Variants in CCDC201 observed in about 807,000 individuals in gnomAD.
CCDC201 encodes coiled-coil domain-containing protein 201.
chr7:45,867,825 T>C (rs1786695101), intron 1 of CCDC201, among the ~76,000 whole-genome samples: 1 of 152,232 alleles, frequency 6.6e-6, no homozygotes, highest in Non-Finnish European at 1.5e-5. Context: ...ACAGAGAGGA[T>C]TATCTGGTAG....
chr7:45,869,499 G>T (rs1360267106), intron 1 of CCDC201, among the ~76,000 whole-genome samples: 4 of 152,192 alleles, frequency 2.6e-5, no homozygotes, highest in African/African-American at 9.6e-5. Context: ...AGGAGGGAGG[G>T]AGTGCCTCCT....
chr7:45,879,288 A>G, the CCDC201 span, among the ~76,000 whole-genome samples: 2 of 152,218 alleles, frequency 1.3e-5, no homozygotes, highest in Admixed American at 6.5e-5. Context: ...AACTGTTCCA[A>G]TCTCTGCCCC....
the CCDC201 span, among the ~76,000 whole-genome samples, chr7:45,880,397 A>C: frequency 6.6e-6 from 1 of 152,260 alleles, no homozygotes; most frequent in Admixed American, 6.5e-5. Flanking sequence ...CATGATCCTC[A>C]TACGGTAACT....
chr7:45,866,369 C>T (rs78499001), exon 2 of CCDC201: 24,306 of 152,364 alleles, frequency 0.16, 2,080 homozygotes, highest in East Asian at 0.26. Context: ...AGGCACCTCC[C>T]GATGGCCTTG....
intron 2 of CCDC201, among the ~76,000 whole-genome samples, chr7:45,865,175 G>A (rs1948554): frequency 0.012 from 1,809 of 152,334 alleles, 44 homozygotes; most frequent in African/African-American, 0.041. Flanking sequence ...TGGGCGAGGA[G>A]GCAGAATTCT....
upstream of CCDC201, among the ~76,000 whole-genome samples, chr7:45,875,929 G>T (rs1248064453): frequency 6.6e-6 from 1 of 152,196 alleles, no homozygotes; most frequent in African/African-American, 2.4e-5. Context: ...ACAAGTATTT[G>T]TCAGAAGTAC....
At chr7:45,874,068 T>C (rs1786772963), upstream of CCDC201, among the ~76,000 whole-genome samples, 1 of 152,036 alleles carries the variant, frequency 6.6e-6, no homozygotes, top group Non-Finnish European at 1.5e-5. Flanking sequence ...TACAGGTGCA[T>C]GCCACCATGC....
rs148995447 is a variant in CCDC201 at position 45,869,905 on chromosome 7, C to T, written c.18+3085G>A. 7.7e-4 allele frequency among the ~76,000 whole-genome samples: 116 copies of T among 151,628 alleles called. No individual in the cohort carries two copies. In the East Asian group the frequency reaches 0.019, roughly 25 times the overall value. ...CAATCTCAGCTCACTGTAACCTCTG[C>T]CTCTTGGATTCAAGCGATTCTCCTG... On this transcript the variant is annotated intron_variant, in intron 1 of 2. Transcript: ENST00000636578.
intron 2 of CCDC201, among the ~76,000 whole-genome samples, chr7:45,865,379 G>A (rs1399975343): frequency 6.6e-6 from 1 of 152,198 alleles, no homozygotes; most frequent in Non-Finnish European, 1.5e-5. Flanking sequence ...GCAAGGGCCT[G>A]CAAACCTGGC....
At chr7:45,874,478 C>T (rs1346453852), upstream of CCDC201, among the ~76,000 whole-genome samples, 3 of 152,236 alleles carry the variant, frequency 2.0e-5, no homozygotes, top group African/African-American at 7.2e-5. Context: ...AGCTCTGAAA[C>T]ATCTGCACAT....
the CCDC201 span, among the ~76,000 whole-genome samples, chr7:45,881,580 C>G: frequency 6.6e-6 from 1 of 152,160 alleles, no homozygotes; most frequent in East Asian, 1.9e-4. Flanking sequence ...AACCCACCCC[C>G]CTTTACCAGA....
intron 1 of CCDC201, among the ~76,000 whole-genome samples, chr7:45,869,574 T>C (rs755566963): frequency 6.6e-6 from 1 of 152,192 alleles, no homozygotes; most frequent in African/African-American, 2.4e-5. Flanking sequence ...TCTTGGAGTA[T>C]GTTTATTTTG....
At chr7:45,881,332 C>T in the CCDC201 span, among the ~76,000 whole-genome samples, 8 of 152,154 alleles carry the variant, frequency 5.3e-5, no homozygotes, top group Admixed American at 1.3e-4. Context: ...TCAAATGTGT[C>T]CATTACCCTA....
At chr7:45,867,614 G>A (rs1267588929) in intron 1 of CCDC201, among the ~76,000 whole-genome samples, 1 of 152,218 alleles carries the variant, frequency 6.6e-6, no homozygotes, top group East Asian at 1.9e-4. Flanking sequence ...TCACAAGAAT[G>A]CAGAATGTAC....
At chr7:45,860,902 A>T (rs930649297) in exon 3 of CCDC201, 2 of 152,274 alleles carry the variant, frequency 1.3e-5, no homozygotes, top group African/African-American at 4.8e-5. Flanking sequence ...CCTATGGATA[A>T]CTGCATATAC....
At chr7:45,861,917 G>A (rs965324821) in exon 3 of CCDC201, 3 of 152,236 alleles carry the variant, frequency 2.0e-5, no homozygotes, top group African/African-American at 7.2e-5. Flanking sequence ...CTCTAGCTCT[G>A]TATTTAGTAA....
chr7:45,873,421 G>T (rs1786764081), upstream of CCDC201, among the ~76,000 whole-genome samples: 1 of 150,958 alleles, frequency 6.6e-6, no homozygotes. Context: ...CAAGAAAAGA[G>T]GACCCACAAC....
At chr7:45,877,505 A>G (rs1018820995), upstream of CCDC201, among the ~76,000 whole-genome samples, 3 of 152,362 alleles carry the variant, frequency 2.0e-5, no homozygotes, top group South Asian at 6.2e-4. Flanking sequence ...AAAGCTGTAC[A>G]GGATTCTGCT....
chr7:45,868,130 G>A (rs1786699778), intron 1 of CCDC201, among the ~76,000 whole-genome samples: 1 of 152,210 alleles, frequency 6.6e-6, no homozygotes, highest in Admixed American at 6.5e-5. Context: ...TGTCATTGAG[G>A]TATTGGCTTC....
Sources: gnomAD v4.1 joint callset for allele counts (sites outside exome capture counted in the v4.1 genomes callset) on GRCh38, gnomAD v4.1.1 for gene constraint, MANE v1.5 for transcripts, NCBI Gene and HGNC (gene_info 2026-07-23, HGNC 2026-07-21) for gene names.